Variants in PHLDB2 observed in about 807,000 individuals in gnomAD.
PHLDB2 encodes the protein pleckstrin homology like domain family B member 2.
PHLDB2 carries 71 observed loss-of-function variants against 123.6 expected under a neutral mutation model. The observed-to-expected ratio is 0.57, with a 90% CI of 0.47 to 0.70. PHLDB2 has a LOEUF of 0.70. Ranked by LOEUF, PHLDB2 falls within the 30% of genes least tolerant of loss-of-function variation. PHLDB2 has a pLI of 0.00. For missense variants in PHLDB2, 1,446 were observed against 1,519.5 expected, an observed-to-expected ratio of 0.95 and a Z score of 0.80; for synonymous variants, 547 against 541.6, an observed-to-expected ratio of 1.01 and a Z score of -0.14.
intron 1 of PHLDB2, among the ~76,000 whole-genome samples, chr3:111,879,557 T>C (rs956515120): frequency 6.6e-6 from 1 of 151,640 alleles, no homozygotes; most frequent in Non-Finnish European, 1.5e-5. Flanking sequence ...GTGGAGGAGG[T>C]AGAAGGGGAG....
At chr3:111,783,593 G>A (rs190071895) in intron 1 of PHLDB2, among the ~76,000 whole-genome samples, 1 of 152,156 alleles carries the variant, frequency 6.6e-6, no homozygotes, top group East Asian at 1.9e-4. Flanking sequence ...ATCAATGAGG[G>A]AGCAAGCACC....
intron 2 of PHLDB2, among the ~76,000 whole-genome samples, chr3:111,902,724 C>T (rs59459551): frequency 0.3 from 46,002 of 151,962 alleles, 7,349 homozygotes; most frequent in Middle Eastern, 0.39. Context: ...GTGCAACCTC[C>T]GCCTCCCCAG....
chr3:111,737,411 T>G (rs959540), intron 1 of PHLDB2, among the ~76,000 whole-genome samples: 57,581 of 151,774 alleles, frequency 0.38, 13,196 homozygotes, highest in Middle Eastern at 0.55. Context: ...ACCCATAGTT[T>G]TGGGCAGTGA....
intron 1 of PHLDB2, among the ~76,000 whole-genome samples, chr3:111,867,712 A>AT (rs928652878): frequency 1.3e-5 from 2 of 151,678 alleles, no homozygotes; most frequent in African/African-American, 4.9e-5. Flanking sequence ...TTTAATTTTT[A>AT]TTTTTTTGAG....
At chr3:111,782,225 C>T (rs1401541049) in intron 1 of PHLDB2, among the ~76,000 whole-genome samples, 2 of 152,070 alleles carry the variant, frequency 1.3e-5, no homozygotes, top group Non-Finnish European at 2.9e-5. Flanking sequence ...AGCAAATGTT[C>T]AGGTTTTTAC....
intron 1 of PHLDB2, among the ~76,000 whole-genome samples, chr3:111,831,768 A>G (rs1284581539): frequency 6.6e-6 from 1 of 152,216 alleles, no homozygotes; most frequent in Non-Finnish European, 1.5e-5. Context: ...AGATATAGAT[A>G]CATACCAACT....
At chr3:111,950,269 G>T (rs946865981) in intron 10 of PHLDB2, among the ~76,000 whole-genome samples, 4 of 152,138 alleles carry the variant, frequency 2.6e-5, no homozygotes, top group African/African-American at 4.8e-5. Flanking sequence ...ATACATAGTT[G>T]AAACCATAAT....
At chr3:111,768,577 C>T (rs139377752) in intron 1 of PHLDB2, among the ~76,000 whole-genome samples, 4 of 152,116 alleles carry the variant, frequency 2.6e-5, no homozygotes, top group Non-Finnish European at 4.4e-5. Flanking sequence ...TTTAGGGGAG[C>T]TCCGGAGAGC....
intron 16 of PHLDB2, among the ~76,000 whole-genome samples, chr3:111,972,173 T>C (rs990856963): frequency 6.6e-6 from 1 of 152,230 alleles, no homozygotes; most frequent in African/African-American, 2.4e-5. Context: ...AAAGTATTAT[T>C]GTATTCTCAT....
chr3:111,948,423 G>A (rs2070463875), intron 9 of PHLDB2, among the ~76,000 whole-genome samples: 1 of 152,154 alleles, frequency 6.6e-6, no homozygotes. Context: ...TTTTCTTAGT[G>A]TAAAACCCAG....
chr3:111,798,240 T>C (rs2061242611), intron 1 of PHLDB2, among the ~76,000 whole-genome samples: 1 of 152,098 alleles, frequency 6.6e-6, no homozygotes, highest in Non-Finnish European at 1.5e-5. Flanking sequence ...TTTTCTATCT[T>C]AAAAAAAGAA....
intron 2 of PHLDB2, among the ~76,000 whole-genome samples, chr3:111,847,728 G>T (rs1023302602): frequency 2.0e-4 from 31 of 152,132 alleles, no homozygotes; most frequent in African/African-American, 7.2e-4. Flanking sequence ...GCCTAATGAG[G>T]TTCCATCTCC....
At chr3:111,858,797 T>G (rs1485061435), upstream of PHLDB2, among the ~76,000 whole-genome samples, 1 of 152,150 alleles carries the variant, frequency 6.6e-6, no homozygotes, top group Non-Finnish European at 1.5e-5. Flanking sequence ...CGAGGGCCAA[T>G]GTCCTTCATC....
intron 8 of PHLDB2, among the ~76,000 whole-genome samples, chr3:111,941,809 A>AAAAACAAAAG (rs1553752805): frequency 2.7e-5 from 4 of 150,616 alleles, no homozygotes; most frequent in Non-Finnish European, 4.4e-5. Flanking sequence ...CCTGTCTCAA[A>AAAAACAAAAG]AAAACAAAAC....
chr3:111,927,014 G>A (rs962461593), intron 5 of PHLDB2, among the ~76,000 whole-genome samples: 3 of 152,086 alleles, frequency 2.0e-5, no homozygotes, highest in African/African-American at 7.2e-5. Context: ...CTCATCAAAA[G>A]GAATGCTTAA....
chr3:111,819,406 G>A (rs2062260476), intron 1 of PHLDB2, among the ~76,000 whole-genome samples: 1 of 152,154 alleles, frequency 6.6e-6, no homozygotes, highest in South Asian at 2.1e-4. Context: ...TGAATTCAAT[G>A]CCACTTAGTC....
intron 2 of PHLDB2, among the ~76,000 whole-genome samples, chr3:111,906,498 G>A (rs2067542935): frequency 1.3e-5 from 2 of 152,314 alleles, no homozygotes; most frequent in South Asian, 4.1e-4. Flanking sequence ...ACGAAAGGAG[G>A]ACTAGATGGA....
At chr3:111,783,194 G>T (rs537729862) in intron 1 of PHLDB2, among the ~76,000 whole-genome samples, 14 of 152,146 alleles carry the variant, frequency 9.2e-5, no homozygotes, top group Admixed American at 2.0e-4. Context: ...AATCTTTACT[G>T]TTCAGAGAGA....
At chr3:111,969,938 T>G in intron 16 of PHLDB2, 29 bp downstream of exon 16, 1 of 1,602,096 alleles carries the variant, frequency 6.2e-7, no homozygotes, top group Non-Finnish European at 8.6e-7. Context: ...TTAAGCCATA[T>G]ACTCAAATCA....
Sources: allele counts gnomAD v4.1 joint callset (sites outside exome capture counted in the v4.1 genomes callset), GRCh38; gene constraint gnomAD v4.1.1; transcripts MANE v1.5; gene names NCBI Gene and HGNC (gene_info 2026-07-23, HGNC 2026-07-21).